The following GLIS3 variants were observed in gnomAD, a reference collection of about 807,000 sequenced individuals.
The protein encoded by GLIS3 is GLIS family zinc finger 3.
In GLIS3, 53 loss-of-function variants were observed where a neutral mutation model predicts 78.6. The observed-to-expected ratio is 0.67, with a 90% CI of 0.54 to 0.85. GLIS3 has a LOEUF of 0.85. Among genes scored for constraint, GLIS3 ranks in the 40% least tolerant of loss-of-function variants. GLIS3 has a pLI of 0.00. For missense variants in GLIS3, 1,703 were observed against 1,231.1 expected (o/e 1.38, Z -5.74); for synonymous variants, 684 against 509.9 (o/e 1.34, Z -4.60).
intron 2 of GLIS3, among the ~76,000 whole-genome samples, chr9:4,250,087 T>G (rs1034817739): frequency 1.3e-5 from 2 of 152,174 alleles, no homozygotes; most frequent in African/African-American, 2.4e-5. Context: ...TTTCTTTTTT[T>G]GTTGTATCTC....
chr9:3,911,100 T>TCTTCCTTC (rs534986962), intron 6 of GLIS3, among the ~76,000 whole-genome samples: 1 of 151,718 alleles, frequency 6.6e-6, no homozygotes, highest in African/African-American at 2.4e-5. Context: ...TTCCTTCCTT[T>TCTTCCTTC]CTTCCTTCCT....
the GLIS3 span, among the ~76,000 whole-genome samples, chr9:4,475,977 G>A: frequency 5.9e-5 from 9 of 152,036 alleles, no homozygotes; most frequent in Non-Finnish European, 1.2e-4. Flanking sequence ...TCAAACTCCC[G>A]GGCTCAAGTG....
intron 2 of GLIS3, among the ~76,000 whole-genome samples, chr9:4,229,489 T>C (rs536935448): frequency 2.6e-5 from 4 of 152,318 alleles, no homozygotes; most frequent in South Asian, 4.1e-4. Flanking sequence ...CTTTAAAAGA[T>C]TGTAAAGGAG....
intron 2 of GLIS3, among the ~76,000 whole-genome samples, chr9:4,320,760 A>G (rs1024540156): frequency 6.6e-6 from 1 of 152,122 alleles, no homozygotes; most frequent in Admixed American, 6.5e-5. Flanking sequence ...TATCACTGCT[A>G]TTGGTTTCAG....
chr9:4,461,570 C>T, the GLIS3 span, among the ~76,000 whole-genome samples: 11 of 152,200 alleles, frequency 7.2e-5, no homozygotes, highest in Admixed American at 3.3e-4. Context: ...TTTGCTACTC[C>T]TCCCTCCAAA....
At chr9:4,366,332 C>A in the GLIS3 span, among the ~76,000 whole-genome samples, 3 of 152,112 alleles carry the variant, frequency 2.0e-5, no homozygotes, top group Admixed American at 2.0e-4. Flanking sequence ...AGCTAATTGC[C>A]TAAGCCTGAG....
intron 6 of GLIS3, among the ~76,000 whole-genome samples, chr9:3,928,333 G>T (rs199692267): frequency 1.3e-5 from 2 of 152,170 alleles, no homozygotes; most frequent in East Asian, 3.8e-4. Context: ...GCAAAATCTG[G>T]GGTGGCCCTG....
intron 2 of GLIS3, among the ~76,000 whole-genome samples, chr9:4,139,905 G>A (rs561670310): frequency 6.6e-6 from 1 of 152,294 alleles, no homozygotes; most frequent in African/African-American, 2.4e-5. Context: ...ACAGGCCACT[G>A]ACCCATACAG....
In GLIS3 at chr9:4,227,670, G is replaced by C. The variant is rs1458320818; in HGVS notation, c.388+58368C>G. Among the ~76,000 whole-genome samples the C allele has an allele frequency of 2.6e-5, 4 of 152,182 alleles. No individual in the cohort carries two copies. In the East Asian group the frequency reaches 7.7e-4, roughly 29 times the overall value. ...AAAGATATACAGCAGACCTATCCGG[G>C]ACTTCTGTAAGACCAAAGGTTCTAT... On this transcript the variant is annotated intron_variant, in intron 2 of 10. Transcript: ENST00000381971.
intron 2 of GLIS3, among the ~76,000 whole-genome samples, chr9:4,197,739 G>A (rs1818998066): frequency 6.6e-6 from 1 of 152,154 alleles, no homozygotes. Flanking sequence ...TTCTGCCAGT[G>A]AGCAAGGACA....
At chr9:4,434,094 C>CAAAAA in the GLIS3 span, among the ~76,000 whole-genome samples, 2 of 100,218 alleles carry the variant, frequency 2.0e-5, no homozygotes, top group Non-Finnish European at 2.0e-5. Flanking sequence ...GACTCTGTCT[C>CAAAAA]AAAAAAAAAA....
At chr9:4,325,905 C>T (rs58536918) in intron 2 of GLIS3, among the ~76,000 whole-genome samples, 9 of 152,244 alleles carry the variant, frequency 5.9e-5, no homozygotes, top group African/African-American at 2.2e-4. Context: ...TTTGCTGGGA[C>T]ATGGATCGAG....
intron 8 of GLIS3, among the ~76,000 whole-genome samples, chr9:3,873,329 G>A (rs1821085289): frequency 6.6e-6 from 1 of 152,012 alleles, no homozygotes; most frequent in Admixed American, 6.5e-5. Context: ...GATAAACAGA[G>A]ACAAAAAATC....
At chr9:4,042,437 A>G (rs1824895755) in intron 4 of GLIS3, among the ~76,000 whole-genome samples, 1 of 152,154 alleles carries the variant, frequency 6.6e-6, no homozygotes, top group African/African-American at 2.4e-5. Flanking sequence ...AAGCATGCCA[A>G]CTGCTGCTGG....
intron 4 of GLIS3, among the ~76,000 whole-genome samples, chr9:4,041,417 A>G (rs1011805918): frequency 2.6e-5 from 4 of 152,158 alleles, no homozygotes; most frequent in African/African-American, 9.7e-5. Context: ...CAAATCAACT[A>G]TCTCAATCTG....
At chr9:4,080,077 C>T (rs977974412) in intron 4 of GLIS3, among the ~76,000 whole-genome samples, 4 of 152,310 alleles carry the variant, frequency 2.6e-5, no homozygotes, top group Admixed American at 2.6e-4. Context: ...AGGAATCTGC[C>T]TGCTTGTCAA....
At chr9:4,276,281 A>G (rs1826971490) in intron 2 of GLIS3, among the ~76,000 whole-genome samples, 1 of 144,796 alleles carries the variant, frequency 6.9e-6, no homozygotes, top group African/African-American at 2.6e-5. Flanking sequence ...AAGAAAAGAA[A>G]AAAATGAGAA....
intron 4 of GLIS3, among the ~76,000 whole-genome samples, chr9:4,096,733 C>T (rs978532734): frequency 2.6e-5 from 4 of 152,054 alleles, no homozygotes; most frequent in Non-Finnish European, 4.4e-5. Flanking sequence ...GGAGGTTGGC[C>T]AGACATGGTG....
chr9:4,226,121 T>C (rs1189780526), intron 2 of GLIS3, among the ~76,000 whole-genome samples: 1 of 152,208 alleles, frequency 6.6e-6, no homozygotes, highest in Non-Finnish European at 1.5e-5. Flanking sequence ...AATTACTAAT[T>C]CCTGCCTCTG....
Sources: allele counts gnomAD v4.1 joint callset (sites outside exome capture counted in the v4.1 genomes callset), GRCh38; gene constraint gnomAD v4.1.1; transcripts MANE v1.5; gene names NCBI Gene and HGNC (gene_info 2026-07-23, HGNC 2026-07-21).